AGMO: variants seen among roughly 807,000 people sequenced by gnomAD.
AGMO encodes glyceryl-ether monooxygenase.
A neutral mutation model predicts 60.2 loss-of-function variants in AGMO; 75 were observed. The ratio of observed to expected loss-of-function variants is 1.25; its 90% confidence interval spans 1.03 to 1.51. The LOEUF (loss-of-function observed/expected upper bound fraction) is 1.51, where lower values mean the gene tolerates loss of function less well. Ranked by LOEUF, AGMO falls within the 40% of genes most tolerant of loss-of-function variation. AGMO has a pLI of 0.00. For synonymous variants in AGMO, 261 were observed against 177.1 expected (o/e 1.47, Z -3.76); for missense variants, 763 against 525.5 (o/e 1.45, Z -4.42).
Position 15,406,461 on chromosome 7 carries a change from G to A in AGMO, c.609+12097C>T, listed in dbSNP as rs571731506. Among the ~76,000 whole-genome samples, 8 of 114,674 alleles carry A rather than the reference G, an allele frequency of 7.0e-5. No individual in the cohort carries two copies. The South Asian group carries it at 1.8e-3, about 26-fold the overall frequency. The allele number at this position is 114,674 out of a possible 152,430, so 75.2% of individuals were successfully genotyped here. On this transcript the variant is annotated intron_variant, in intron 5 of 12. Coordinates refer to ENST00000342526, the MANE Select transcript of AGMO (RefSeq NM_001004320.2). ...TGCATATGTACACATATATACCCAC[G>A]TATACACATATATGTATATGTATAT...
At chr7:15,353,542 TACTC>T (rs1198699349) in intron 12 of AGMO, among the ~76,000 whole-genome samples, 2 of 152,126 alleles carry the variant, frequency 1.3e-5, no homozygotes, top group East Asian at 3.9e-4. Flanking sequence ...GAAACAAAAC[TACTC>T]AACTAAAAGA....
At chr7:15,471,986 T>G (rs1356353378) in intron 3 of AGMO, among the ~76,000 whole-genome samples, 1 of 151,896 alleles carries the variant, frequency 6.6e-6, no homozygotes, top group Non-Finnish European at 1.5e-5. Flanking sequence ...AGAATATTTT[T>G]AAGAAGAATC....
chr7:15,409,443 G>A (rs756958460), intron 5 of AGMO, among the ~76,000 whole-genome samples: 9 of 151,866 alleles, frequency 5.9e-5, no homozygotes, highest in African/African-American at 1.4e-4. Context: ...ATGCTGTGTT[G>A]CCTTACATAA....
the AGMO span, among the ~76,000 whole-genome samples, chr7:15,153,643 G>A: frequency 1.3e-5 from 2 of 152,104 alleles, no homozygotes; most frequent in Non-Finnish European, 2.9e-5. Context: ...CTGAAGATCA[G>A]TTGACTGTAA....
intron 5 of AGMO, among the ~76,000 whole-genome samples, chr7:15,416,197 C>T (rs1294658869): frequency 6.6e-6 from 1 of 151,792 alleles, no homozygotes; most frequent in Non-Finnish European, 1.5e-5. Context: ...CCACACCCAA[C>T]TAATTTTTGT....
intron 5 of AGMO, among the ~76,000 whole-genome samples, chr7:15,409,844 G>A (rs1400027624): frequency 1.3e-5 from 2 of 151,874 alleles, no homozygotes; most frequent in Non-Finnish European, 2.9e-5. Context: ...CCCTAGGTTT[G>A]ACACTTACTA....
chr7:15,470,115 G>A (rs1240780783), intron 3 of AGMO, among the ~76,000 whole-genome samples: 2 of 152,036 alleles, frequency 1.3e-5, no homozygotes, highest in East Asian at 1.9e-4. Flanking sequence ...GAAGAATTAG[G>A]AGATGTCATA....
chr7:15,481,798 T>TTA (rs1479752239), intron 3 of AGMO, among the ~76,000 whole-genome samples: 1 of 150,204 alleles, frequency 6.7e-6, no homozygotes. Context: ...TATTTTTTTT[T>TTA]TTTTTTTTTT....
At chr7:15,336,884 G>A (rs940254888) in intron 12 of AGMO, among the ~76,000 whole-genome samples, 1 of 152,018 alleles carries the variant, frequency 6.6e-6, no homozygotes, top group African/African-American at 2.4e-5. Context: ...AGACTATAGA[G>A]TAATTTTCTC....
chr7:15,282,909 A>T (rs1447268718), intron 12 of AGMO, among the ~76,000 whole-genome samples: 1 of 152,204 alleles, frequency 6.6e-6, no homozygotes, highest in African/African-American at 2.4e-5. Context: ...GAAACCTTAC[A>T]AATCAGAAGT....
chr7:15,358,544 T>C, intron 12 of AGMO: 2 of 400,562 alleles, frequency 5.0e-6, no homozygotes, highest in Admixed American at 3.2e-5. Flanking sequence ...ATTCCCTTCT[T>C]AGATGCAGGT....
At chr7:15,233,575 G>A (rs1782323525) in intron 12 of AGMO, among the ~76,000 whole-genome samples, 3 of 151,620 alleles carry the variant, frequency 2.0e-5, no homozygotes, top group African/African-American at 7.3e-5. Context: ...CCCTTTGGAT[G>A]ATGGAAAAGT....
the AGMO span, among the ~76,000 whole-genome samples, chr7:15,141,384 A>C: frequency 6.6e-6 from 1 of 152,160 alleles, no homozygotes; most frequent in Non-Finnish European, 1.5e-5. Flanking sequence ...AGGAGTTTGC[A>C]ACCAACCTTG....
rs191050062 is a variant in AGMO, at chr7:15,340,927, T to C, written c.1263+24587A>G. ...GTAGATTCACTGACAGCTTGCACCA[T>C]ATGCCTGAAAAAGCCACAGGCAATG... On this transcript the variant is annotated intron_variant, in intron 12 of 12. Transcript: ENST00000342526. 7.6e-4 allele frequency among the ~76,000 whole-genome samples: 116 copies of C among 152,098 alleles called. 1 individual carries two copies. Among genetic ancestry groups the C allele is most frequent in the African/African-American group, 2.6e-3 (109 of 41,500 alleles).
chr7:15,187,938 C>G, the AGMO span, among the ~76,000 whole-genome samples: 22 of 152,180 alleles, frequency 1.4e-4, no homozygotes, highest in South Asian at 4.4e-3. Context: ...CAACCTCACA[C>G]CAGCATCTAG....
At chr7:15,465,809 G>A (rs912050410) in intron 3 of AGMO, among the ~76,000 whole-genome samples, 1 of 151,726 alleles carries the variant, frequency 6.6e-6, no homozygotes, top group East Asian at 1.9e-4. Context: ...TTGATAACCT[G>A]TTCCTACCAG....
chr7:15,130,518 G>A, the AGMO span, among the ~76,000 whole-genome samples: 3 of 151,884 alleles, frequency 2.0e-5, no homozygotes, highest in Non-Finnish European at 2.9e-5. Flanking sequence ...GTTCTATTAC[G>A]ATATTTCACA....
rs199642363 is a variant in AGMO, at chr7:15,365,520, A to C, written c.1257T>G (p.Ala419=). The change falls in exon 12 of 13, where the codon GCT becomes GCG. Residue 419 remains alanine (A), a synonymous_variant. Coordinates refer to ENST00000342526, the MANE Select transcript of AGMO (RefSeq NM_001004320.2). ...LKPLVPSLSS[A]FEIVFSICIA... ...ACCTAAACAAATGTCTTACCTCAAA[A>C]GCAGATGACAATGAAGGGACAAGAG... 25 of 1,609,960 alleles carry C rather than the reference A, an allele frequency of 1.6e-5. No individual in the cohort carries two copies. In the Admixed American group the frequency reaches 3.5e-4, roughly 23 times the overall value.
intron 3 of AGMO, among the ~76,000 whole-genome samples, chr7:15,433,400 C>G (rs888395178): frequency 1.3e-5 from 2 of 151,786 alleles, no homozygotes; most frequent in African/African-American, 4.8e-5. Flanking sequence ...TAACAGCATC[C>G]TACTGCCTCA....
Sources: gnomAD v4.1 joint callset for allele counts (sites outside exome capture counted in the v4.1 genomes callset) on GRCh38, gnomAD v4.1.1 for gene constraint, MANE v1.5 for transcripts, NCBI Gene and HGNC (gene_info 2026-07-23, HGNC 2026-07-21) for gene names.